The following C19orf44 variants were observed in gnomAD, a reference collection of about 807,000 sequenced individuals.
C19orf44 encodes uncharacterized protein C19orf44.
C19orf44 carries 43 observed loss-of-function variants against 50.7 expected under a neutral mutation model. The observed-to-expected ratio is 0.85, with a 90% CI of 0.66 to 1.09. C19orf44 has a LOEUF of 1.09. Ranked by LOEUF, C19orf44 falls within the 50% of genes least tolerant of loss-of-function variation. The pLI, the probability that C19orf44 is intolerant of heterozygous loss-of-function variation, is 0.00. For missense variants in C19orf44, 722 were observed against 836.2 expected, an observed-to-expected ratio of 0.86 and a Z score of 1.68; for synonymous variants, 298 against 334.7, an observed-to-expected ratio of 0.89 and a Z score of 1.20.
intron 6 of C19orf44, 25 bp downstream of exon 6, chr19:16,513,134 T>C: frequency 6.2e-7 from 1 of 1,607,620 alleles, no homozygotes; most frequent in Admixed American, 1.7e-5. Flanking sequence ...CGGGGGATCC[T>C]TCCTGTCACA....
chr19:16,519,055 C>A lies in C19orf44; in HGVS notation c.*41-1039C>A. The A allele has an allele frequency of 2.0e-6, 2 of 1,017,854 alleles. No individual in the cohort carries two copies. The highest frequency in any genetic ancestry group is 1.5e-5 in the South Asian group (1 of 67,172). The allele number at this position is 1,017,854 out of a possible 1,614,324, so 63.1% of individuals were successfully genotyped here. ...TCCTGTGGCTCTCCACAAGTGGAGA[C>A]GGTGTAAGAACTGAGCTGTCACTGC... On this transcript the variant is annotated intron_variant, in intron 8 of 8. Coordinates refer to ENST00000221671, the MANE Select transcript of C19orf44 (RefSeq NM_032207.4). This position sits in a 1 kb window ranked among gnomAD's most constrained non-coding sequence, Gnocchi z 6.0.
At position 16,521,069 on chromosome 19, in the gene C19orf44, C is replaced by T; in HGVS notation, c.*1016C>T. On this transcript the variant is annotated 3_prime_UTR_variant, in exon 9 of 9. Coordinates refer to ENST00000221671, the MANE Select transcript of C19orf44 (RefSeq NM_032207.4). ...GCGCAGTAGAGCTTGGTTCAGTGTT[C>T]CCACAGGGCTGTCCTCCTGCAGCCC... 1.0e-5 allele frequency: 7 copies of T among 673,242 alleles called. No homozygotes were observed. The East Asian group carries it at 1.9e-4, about 18-fold the overall frequency. The allele number at this position is 673,242 out of a possible 1,614,324, so 41.7% of individuals were successfully genotyped here. A position where few individuals can be genotyped will look rare whatever the true frequency, so the allele number is the denominator to read the frequency against.
rs1027707631 is a variant in C19orf44 at position 16,519,539 on chromosome 19, T to C, written c.*41-555T>C. 6 of 1,364,692 alleles carry C rather than the reference T, an allele frequency of 4.4e-6. No homozygotes were observed. The African/African-American group carries it at 7.2e-5, about 16-fold the overall frequency. The allele number at this position is 1,364,692 out of a possible 1,614,324, so 84.5% of individuals were successfully genotyped here. A position where few individuals can be genotyped will look rare whatever the true frequency, so the allele number is the denominator to read the frequency against. ...TGACTCCATCCATCCCCACATGCAC[T>C]GAGGAAGAGAAAGCGCTGGTGACTC... is the stretch of plus-strand genomic sequence containing the variant. On this transcript the variant is annotated intron_variant, in intron 8 of 8. Transcript: ENST00000221671. This position sits in a 1 kb window ranked among gnomAD's most constrained non-coding sequence, Gnocchi z 6.0.
At chr19:16,510,307 T>A (rs2093453574) in intron 5 of C19orf44, among the ~76,000 whole-genome samples, 1 of 152,136 alleles carries the variant, frequency 6.6e-6, no homozygotes, top group Admixed American at 6.6e-5. Flanking sequence ...CTCAGGAAGC[T>A]GAGGCTTGAG....
intron 8 of C19orf44, 44 bp downstream of exon 8, chr19:16,517,385 A>C: frequency 7.3e-7 from 1 of 1,373,560 alleles, no homozygotes; most frequent in Non-Finnish European, 1.0e-6. Context: ...GCACACAAAC[A>C]TAGAGCTCAT....
rs754223858 is a variant in C19orf44, at chr19:16,520,955, C to A, written c.*902C>A. The A allele has an allele frequency of 6.5e-7, 1 of 1,544,162 alleles. No homozygotes were observed. Among genetic ancestry groups the A allele is most frequent in the South Asian group, 1.1e-5 (1 of 89,754 alleles). ...CCGTGTGTGACCACGTGACACCCAC[C>A]CACAAGGAAGTCGTGAAAAAGTCAT... On this transcript the variant is annotated 3_prime_UTR_variant, in exon 9 of 9. Coordinates refer to ENST00000221671, the MANE Select transcript of C19orf44 (RefSeq NM_032207.4). The surrounding 1 kb of genome is among the most constrained non-coding windows in gnomAD (Gnocchi z 4.0).
Position 16,519,152 on chromosome 19 carries a change from T to C in C19orf44, c.*41-942T>C, listed in dbSNP as rs1331572629. 1.9e-6 allele frequency: 3 copies of C among 1,610,736 alleles called. No individual in the cohort carries two copies. Among genetic ancestry groups the C allele is most frequent in the South Asian group, 2.2e-5 (2 of 90,638 alleles). Reference sequence around the variant, plus strand: ...CTGGCCACCGGCGCGGCTCCCGGCATGGGCGCCTACTTACACTCGTCCCTG... The same window carrying C: ...CTGGCCACCGGCGCGGCTCCCGGCACGGGCGCCTACTTACACTCGTCCCTG... On this transcript the variant is annotated intron_variant, in intron 8 of 8. Coordinates refer to ENST00000221671, the MANE Select transcript of C19orf44 (RefSeq NM_032207.4). This position sits in a 1 kb window ranked among gnomAD's most constrained non-coding sequence, Gnocchi z 6.0.
chr19:16,507,654 C>G (rs1224607860), intron 4 of C19orf44, among the ~76,000 whole-genome samples: 5 of 151,236 alleles, frequency 3.3e-5, no homozygotes, highest in Admixed American at 3.3e-4. Context: ...CCATGCCCAG[C>G]TAATTTTTGT....
chr19:16,501,469 T>A lies in C19orf44; in HGVS notation c.677T>A (p.Met226Lys), dbSNP rs1236294394. Residue 226 changes from methionine to lysine, a missense_variant, in exon 2 of 9, where the codon ATG (methionine) becomes AAG (lysine). Physicochemically the swap from Met to Lys is moderately conservative, Grantham distance 95. Coordinates refer to ENST00000221671, the MANE Select transcript of C19orf44 (RefSeq NM_032207.4). ...EEMKVLLGSLMDSSREKNTNQ... is the reference protein window; with the variant it reads ...EEMKVLLGSLKDSSREKNTNQ... Reference sequence around the variant, plus strand: ...ATGAAAGTATTGCTAGGAAGCTTGATGGACTCTTCTAGAGAAAAAAACACG... The same window carrying A: ...ATGAAAGTATTGCTAGGAAGCTTGAAGGACTCTTCTAGAGAAAAAAACACG... 36 of 1,612,332 alleles carry A rather than the reference T, an allele frequency of 2.2e-5. No homozygotes were observed. The highest frequency in any genetic ancestry group is 3.1e-5 in the Non-Finnish European group (36 of 1,179,462).
At chr19:16,499,857 T>G (rs575667176) in intron 1 of C19orf44, among the ~76,000 whole-genome samples, 9 of 151,114 alleles carry the variant, frequency 6.0e-5, no homozygotes, top group Non-Finnish European at 1.0e-4. Context: ...TGGTGTGATC[T>G]CGGCTCACTG....
intron 1 of C19orf44, among the ~76,000 whole-genome samples, chr19:16,497,714 T>C (rs1456130650): frequency 2.0e-5 from 3 of 152,212 alleles, no homozygotes; most frequent in African/African-American, 7.2e-5. Flanking sequence ...TATTTGTTTT[T>C]TAAATTGCTG....
chr19:16,503,085 A>G lies in C19orf44; in HGVS notation c.780A>G (p.Ala260=), dbSNP rs148082583. 2.4e-4 allele frequency: 380 copies of G among 1,613,662 alleles called. 1 individual carries two copies. In the African/African-American group the frequency reaches 4.9e-3, roughly 21 times the overall value. ...ATCAGGTCCCATCTCAACTGAGAGC[A>G]TTTACTGTACCCAGCGTGGAACTCT... is the stretch of plus-strand genomic sequence containing the variant. ...KLFSVPSQLR[A]FTVPSVELSS... Residue 260 remains alanine (A), a synonymous_variant, in exon 3 of 9, where the codon GCA becomes GCG. Transcript: ENST00000221671.
intron 8 of C19orf44, 114 bp downstream of exon 8, chr19:16,517,455 A>C: frequency 1.4e-6 from 1 of 706,312 alleles, no homozygotes; most frequent in African/African-American, 1.8e-5. Context: ...ATGGACACAC[A>C]CACACACAGT....
At chr19:16,505,163 C>T (rs2093437303) in intron 3 of C19orf44, among the ~76,000 whole-genome samples, 1 of 151,894 alleles carries the variant, frequency 6.6e-6, no homozygotes, top group Non-Finnish European at 1.5e-5. Context: ...TTCTCCTCAG[C>T]CTCCCAAAGT....
Position 16,519,345 on chromosome 19 carries a change from G to T in C19orf44, c.*41-749G>T. The T allele has an allele frequency of 6.2e-7, 1 of 1,610,404 alleles. No individual in the cohort carries two copies. Among genetic ancestry groups the T allele is most frequent in the South Asian group, 1.1e-5 (1 of 90,818 alleles). On this transcript the variant is annotated intron_variant, in intron 8 of 8. Transcript: ENST00000221671. This position sits in a 1 kb window ranked among gnomAD's most constrained non-coding sequence, Gnocchi z 6.0. Reference sequence around the variant, plus strand: ...CCTTCGCACCGAGGCCGCCTGAGCCGCTCCAGCCTGGAAACAGAGACGCAG... The same window carrying T: ...CCTTCGCACCGAGGCCGCCTGAGCCTCTCCAGCCTGGAAACAGAGACGCAG...
Position 16,496,442 on chromosome 19 carries a change from T to G in C19orf44, c.-25T>G, listed in dbSNP as rs1394601431. ...CAGGCGTGAATGTGGCGGCTGCCTC[T>G]GCGAATGGACGGCGTGGGAAGAGGT... On this transcript the variant is annotated 5_prime_UTR_variant, in exon 1 of 9. Coordinates refer to ENST00000221671, the MANE Select transcript of C19orf44 (RefSeq NM_032207.4). 5.3e-6 allele frequency: 2 copies of G among 378,632 alleles called. No homozygotes were observed. Among genetic ancestry groups the G allele is most frequent in the African/African-American group, 2.1e-5 (1 of 48,478 alleles). 23.5% of individuals were successfully genotyped at this position (378,632 alleles called of 1,614,324 possible).
At chr19:16,497,430 G>A (rs987793040) in intron 1 of C19orf44, among the ~76,000 whole-genome samples, 1 of 139,332 alleles carries the variant, frequency 7.2e-6, no homozygotes, top group African/African-American at 2.7e-5. Flanking sequence ...GGCTCACTGC[G>A]AACTCCGCCT....
At chr19:16,502,425 A>T (rs2093428183) in intron 2 of C19orf44, among the ~76,000 whole-genome samples, 1 of 150,724 alleles carries the variant, frequency 6.6e-6, no homozygotes, top group African/African-American at 2.4e-5. Context: ...TTTAGTAGAG[A>T]TGGGGTTTCA....
Position 16,501,569 on chromosome 19 carries a change from T to TG in C19orf44, c.759+20dup. 1 of 1,344,406 alleles carries TG rather than the reference T, an allele frequency of 7.4e-7. No individual in the cohort carries two copies. Among genetic ancestry groups the TG allele is most frequent in the Non-Finnish European group, 9.7e-7 (1 of 1,035,288 alleles). The allele number at this position is 1,344,406 out of a possible 1,614,324, so 83.3% of individuals were successfully genotyped here. ...TATTTTCGGTGAGATTTTTTTTTTT[T>TG]GGTAAATTTATTTTAATTTATTTAA... is the stretch of plus-strand genomic sequence containing the variant. On this transcript the variant is annotated intron_variant, in intron 2 of 8. Coordinates refer to ENST00000221671, the MANE Select transcript of C19orf44 (RefSeq NM_032207.4).
Sources: allele counts gnomAD v4.1 joint callset (sites outside exome capture counted in the v4.1 genomes callset), GRCh38; gene constraint gnomAD v4.1.1; non-coding constraint Gnocchi (gnomAD v3.1); transcripts MANE v1.5; gene names NCBI Gene and HGNC (gene_info 2026-07-23, HGNC 2026-07-21).